Variants in FAF1 observed in about 807,000 individuals in gnomAD.
FAF1 encodes the protein FAS-associated factor 1.
A neutral mutation model predicts 92.5 loss-of-function variants in FAF1; 25 were observed. That is an observed-to-expected ratio of 0.27 (90% CI 0.20 to 0.38). The LOEUF (loss-of-function observed/expected upper bound fraction) is 0.38. FAF1 is among the 10% of genes least tolerant of loss of function. FAF1 has a pLI of 1.00. For synonymous variants in FAF1, 234 were observed against 273.2 expected (o/e 0.86, Z 1.42); for missense variants, 636 against 793.3 (o/e 0.80, Z 2.38).
At chr1:50,689,810 A>T (rs982306719) in intron 7 of FAF1, among the ~76,000 whole-genome samples, 2 of 152,152 alleles carry the variant, frequency 1.3e-5, no homozygotes, top group African/African-American at 4.8e-5. Flanking sequence ...AAAACATGCC[A>T]TTCTATTTTC....
intron 8 of FAF1, among the ~76,000 whole-genome samples, chr1:50,628,275 G>A (rs979001137): frequency 6.6e-6 from 1 of 152,104 alleles, no homozygotes; most frequent in Non-Finnish European, 1.5e-5. Flanking sequence ...CAGAACACAG[G>A]TGAAGAAACT....
chr1:50,826,201 T>C (rs749610377), intron 2 of FAF1, among the ~76,000 whole-genome samples: 15 of 152,168 alleles, frequency 9.9e-5, no homozygotes, highest in Non-Finnish European at 1.6e-4. Flanking sequence ...TACTCTTTCT[T>C]GTGTGGAGAA....
chr1:50,882,312 G>A (rs1288750198), intron 1 of FAF1, among the ~76,000 whole-genome samples: 1 of 152,120 alleles, frequency 6.6e-6, no homozygotes, highest in Non-Finnish European at 1.5e-5. Flanking sequence ...TACATATGTA[G>A]GCCAGGCACA....
intron 1 of FAF1, among the ~76,000 whole-genome samples, chr1:50,914,390 C>G (rs1171514940): frequency 1.3e-5 from 2 of 152,142 alleles, no homozygotes; most frequent in Non-Finnish European, 2.9e-5. Context: ...CTCTCTAATT[C>G]TCTACCATCA....
At chr1:50,818,408 C>A (rs1438896957) in intron 2 of FAF1, among the ~76,000 whole-genome samples, 1 of 152,092 alleles carries the variant, frequency 6.6e-6, no homozygotes, top group Non-Finnish European at 1.5e-5. Flanking sequence ...TAAGAATTTA[C>A]CCAAAAGAAA....
intron 7 of FAF1, among the ~76,000 whole-genome samples, chr1:50,704,375 T>C (rs1657591992): frequency 6.6e-6 from 1 of 152,160 alleles, no homozygotes; most frequent in South Asian, 2.1e-4. Flanking sequence ...ATTATACTAT[T>C]CTTCAATTAT....
intron 1 of FAF1, among the ~76,000 whole-genome samples, chr1:50,946,668 T>C (rs1026827478): frequency 1.3e-5 from 2 of 152,222 alleles, no homozygotes; most frequent in East Asian, 1.9e-4. Context: ...GCAGAAGACA[T>C]TGACTCCCAG....
intron 17 of FAF1, among the ~76,000 whole-genome samples, chr1:50,476,655 T>A (rs1646642501): frequency 6.6e-6 from 1 of 152,206 alleles, no homozygotes; most frequent in Non-Finnish European, 1.5e-5. Flanking sequence ...GAAATTCATC[T>A]AAAGCAGTGC....
chr1:50,824,895 A>AT (rs1341119714), intron 2 of FAF1, among the ~76,000 whole-genome samples: 7 of 152,128 alleles, frequency 4.6e-5, no homozygotes, highest in African/African-American at 1.2e-4. Context: ...GCTAAAAAAA[A>AT]TTTTATCTCA....
At chr1:50,816,700 G>A (rs930923198) in intron 2 of FAF1, among the ~76,000 whole-genome samples, 1 of 152,102 alleles carries the variant, frequency 6.6e-6, no homozygotes, top group Non-Finnish European at 1.5e-5. Context: ...GGTTTCACTT[G>A]TCAATTTTTG....
intron 1 of FAF1, among the ~76,000 whole-genome samples, chr1:50,949,783 C>CA (rs1351323692): frequency 6.6e-6 from 1 of 152,150 alleles, no homozygotes; most frequent in Admixed American, 6.5e-5. Flanking sequence ...CCACGGCTGC[C>CA]AAGTGATTCT....
intron 2 of FAF1, among the ~76,000 whole-genome samples, chr1:50,814,535 T>C (rs1056231583): frequency 6.6e-6 from 1 of 152,112 alleles, no homozygotes; most frequent in Non-Finnish European, 1.5e-5. Context: ...ATTATAGATA[T>C]TCAAAAAACA....
intron 8 of FAF1, among the ~76,000 whole-genome samples, chr1:50,649,381 C>A (rs1654754973): frequency 6.6e-6 from 1 of 151,042 alleles, no homozygotes; most frequent in African/African-American, 2.4e-5. Flanking sequence ...GAACTCCTGA[C>A]CTCAGGTGAT....
chr1:50,956,558 T>C (rs77370199), intron 1 of FAF1, among the ~76,000 whole-genome samples: 273 of 152,356 alleles, frequency 1.8e-3, no homozygotes, highest in African/African-American at 6.2e-3. Flanking sequence ...AATTTTACCA[T>C]ATTCACTTTT....
chr1:50,618,414 GT>G (rs540421778), intron 8 of FAF1, among the ~76,000 whole-genome samples: 1,719 of 111,872 alleles, frequency 0.015, 14 homozygotes, highest in African/African-American at 0.042. Context: ...AGTTTTTAGA[GT>G]TTTTTTTTTT....
chr1:50,681,820 C>T (rs1432242751), intron 7 of FAF1, among the ~76,000 whole-genome samples: 1 of 150,594 alleles, frequency 6.6e-6, no homozygotes, highest in Non-Finnish European at 1.5e-5. Flanking sequence ...TTCCCGGCCT[C>T]TTTTGTTTTT....
At chr1:50,821,485 G>C (rs1644042890) in intron 2 of FAF1, among the ~76,000 whole-genome samples, 1 of 152,110 alleles carries the variant, frequency 6.6e-6, no homozygotes, top group Non-Finnish European at 1.5e-5. Flanking sequence ...TATTATTTCA[G>C]AAGTTAATGT....
intron 1 of FAF1, among the ~76,000 whole-genome samples, chr1:50,927,528 G>A (rs1275656873): frequency 6.6e-6 from 1 of 152,092 alleles, no homozygotes; most frequent in Non-Finnish European, 1.5e-5. Flanking sequence ...GCGGCAGAGT[G>A]AGACCCTGTC....
chr1:50,838,269 T>A (rs1325224747), intron 2 of FAF1, among the ~76,000 whole-genome samples: 1 of 152,008 alleles, frequency 6.6e-6, no homozygotes, highest in African/African-American at 2.4e-5. Flanking sequence ...TACTTGAGGA[T>A]ATTCATCAAC....
Sources: gnomAD v4.1 joint callset for allele counts (sites outside exome capture counted in the v4.1 genomes callset) on GRCh38, gnomAD v4.1.1 for gene constraint, MANE v1.5 for transcripts, NCBI Gene and HGNC (gene_info 2026-07-23, HGNC 2026-07-21) for gene names.